IGFL2: variants seen among roughly 807,000 people sequenced by gnomAD.
The protein encoded by IGFL2 is IGF like family member 2, also known as insulin growth factor-like family member 2.
IGFL2 carries 7 observed loss-of-function variants against 13.9 expected under a neutral mutation model. That is an observed-to-expected ratio of 0.51 (90% CI 0.29 to 0.95). IGFL2 has a LOEUF of 0.95. Ranked by LOEUF, IGFL2 falls within the 40% of genes least tolerant of loss-of-function variation. The probability of loss-of-function intolerance (pLI) is 0.08; values close to 1 mark genes in which losing one functional copy is unlikely to be tolerated. For synonymous variants in IGFL2, 55 were observed against 55.8 expected, an observed-to-expected ratio of 0.99 and a Z score of 0.07; for missense variants, 138 against 147.8, an observed-to-expected ratio of 0.93 and a Z score of 0.34.
At chr19:46,162,046 A>G (rs955394668), downstream of IGFL2, among the ~76,000 whole-genome samples, 8 of 152,172 alleles carry the variant, frequency 5.3e-5, no homozygotes, top group African/African-American at 1.9e-4. Context: ...CTTATCTGAA[A>G]AGGATCTTAG....
chr19:46,121,951 A>C, the IGFL2 span, among the ~76,000 whole-genome samples: 1 of 151,088 alleles, frequency 6.6e-6, no homozygotes, highest in East Asian at 2.0e-4. Context: ...CATTTTTAAA[A>C]TGTAAAAATG....
chr19:46,162,542 C>G (rs1191290611), downstream of IGFL2, among the ~76,000 whole-genome samples: 1 of 151,992 alleles, frequency 6.6e-6, no homozygotes, highest in Non-Finnish European at 1.5e-5. Context: ...TTCAAAGAAC[C>G]AGTCTTCAAG....
At chr19:46,124,406 A>T in the IGFL2 span, 16 of 1,435,152 alleles carry the variant, frequency 1.1e-5, no homozygotes, top group Non-Finnish European at 1.6e-5. Context: ...AACAGAGGTT[A>T]GGGTGGTTTA....
chr19:46,182,836 T>C, the IGFL2 span, among the ~76,000 whole-genome samples: 1 of 152,132 alleles, frequency 6.6e-6, no homozygotes. Flanking sequence ...CTGCCCTCTG[T>C]CTTGTGGTTT....
chr19:46,147,497 G>A (rs867393195), upstream of IGFL2, among the ~76,000 whole-genome samples: 11 of 152,238 alleles, frequency 7.2e-5, no homozygotes, highest in Middle Eastern at 3.4e-3. Context: ...AAAAGCCCTC[G>A]AGCTGGCTTT....
intron 1 of IGFL2, among the ~76,000 whole-genome samples, chr19:46,149,989 C>T (rs987021551): frequency 6.6e-6 from 1 of 152,164 alleles, no homozygotes; most frequent in East Asian, 1.9e-4. Flanking sequence ...TACATTCCCA[C>T]CAGCAGTGTA....
chr19:46,188,407 T>G, the IGFL2 span, among the ~76,000 whole-genome samples: 2 of 151,994 alleles, frequency 1.3e-5, no homozygotes, highest in Admixed American at 6.6e-5. Context: ...CGCTCATTCC[T>G]GTGACCGCCC....
chr19:46,141,923 C>T (rs1972877368), upstream of IGFL2, among the ~76,000 whole-genome samples: 1 of 152,116 alleles, frequency 6.6e-6, no homozygotes, highest in African/African-American at 2.4e-5. Context: ...ATAAAGTATC[C>T]TTCTCCTCCT....
the IGFL2 span, chr19:46,124,052 A>G: frequency 6.2e-7 from 1 of 1,611,524 alleles, no homozygotes; most frequent in Non-Finnish European, 8.5e-7. Context: ...TCCTTTAAGG[A>G]TAAGATGGCA....
At chr19:46,157,107 A>G (rs527467020) in intron 1 of IGFL2, among the ~76,000 whole-genome samples, 1 of 152,206 alleles carries the variant, frequency 6.6e-6, no homozygotes, top group Admixed American at 6.5e-5. Context: ...CCTTATAACT[A>G]TTAAGGAAAT....
the IGFL2 span, among the ~76,000 whole-genome samples, chr19:46,123,002 G>C: frequency 8.2e-3 from 1,235 of 150,948 alleles, 83 homozygotes; most frequent in African/African-American, 0.028. Context: ...TAATGTAAAT[G>C]CTATGACATG....
chr19:46,194,677 C>T, the IGFL2 span, among the ~76,000 whole-genome samples: 1 of 151,356 alleles, frequency 6.6e-6, no homozygotes, highest in Non-Finnish European at 1.5e-5. Context: ...CAAAAATCAG[C>T]CAGACGTGGT....
At chr19:46,165,572 G>A (rs144214430), downstream of IGFL2, among the ~76,000 whole-genome samples, 1 of 152,346 alleles carries the variant, frequency 6.6e-6, no homozygotes, top group Non-Finnish European at 1.5e-5. Context: ...GCGTGGCCCT[G>A]TCACCTACAT....
At chr19:46,082,401 TC>T in the IGFL2 span, among the ~76,000 whole-genome samples, 1 of 152,176 alleles carries the variant, frequency 6.6e-6, no homozygotes, top group African/African-American at 2.4e-5. Flanking sequence ...ATTCTCTTGA[TC>T]CCCACAGGGT....
intron 1 of IGFL2, chr19:46,148,841 G>T: frequency 6.7e-7 from 1 of 1,494,090 alleles, no homozygotes; most frequent in Admixed American, 2.1e-5. Flanking sequence ...GACTGTGGTT[G>T]TGCCAGTTGA....
At chr19:46,107,759 G>A in the IGFL2 span, among the ~76,000 whole-genome samples, 37 of 152,082 alleles carry the variant, frequency 2.4e-4, no homozygotes, top group East Asian at 2.7e-3. Flanking sequence ...TTCTAATATC[G>A]GGACTGGATT....
chr19:46,179,004 C>T, the IGFL2 span, among the ~76,000 whole-genome samples: 2 of 151,958 alleles, frequency 1.3e-5, no homozygotes, highest in Non-Finnish European at 1.5e-5. Flanking sequence ...GTGAGTAGAG[C>T]AGAGAGAAGA....
the IGFL2 span, among the ~76,000 whole-genome samples, chr19:46,193,376 G>T: frequency 1.3e-5 from 2 of 152,068 alleles, no homozygotes; most frequent in African/African-American, 4.8e-5. Flanking sequence ...AGCTGTCTCA[G>T]TTATCAGATC....
chr19:46,193,818 C>T, the IGFL2 span, among the ~76,000 whole-genome samples: 2 of 152,278 alleles, frequency 1.3e-5, no homozygotes, highest in East Asian at 1.9e-4. Context: ...ACACCGCTCT[C>T]GGGTCTAGGC....
Sources: gnomAD v4.1 joint callset for allele counts (sites outside exome capture counted in the v4.1 genomes callset) on GRCh38, gnomAD v4.1.1 for gene constraint, MANE v1.5 for transcripts, NCBI Gene and HGNC (gene_info 2026-07-23, HGNC 2026-07-21) for gene names.